The following PCM1 variants were observed in gnomAD, a reference collection of about 807,000 sequenced individuals.
PCM1 encodes pericentriolar material 1, also known as pericentriolar material 1 protein.
In PCM1, 157 loss-of-function variants were observed where a neutral mutation model predicts 241.9. That is an observed-to-expected ratio of 0.65 (90% CI 0.57 to 0.74). The LOEUF (loss-of-function observed/expected upper bound fraction) is 0.74. PCM1 is among the 30% of genes least tolerant of loss of function. The probability of loss-of-function intolerance (pLI) is 0.00; values close to 1 mark genes in which losing one functional copy is unlikely to be tolerated. For missense variants in PCM1, 3,478 were observed against 2,360.1 expected (o/e 1.47, Z -9.81); for synonymous variants, 1,085 against 784.9 (o/e 1.38, Z -6.39).
At chr8:17,932,354 A>C (rs933679710) in intron 2 of PCM1, among the ~76,000 whole-genome samples, 1 of 152,176 alleles carries the variant, frequency 6.6e-6, no homozygotes, top group African/African-American at 2.4e-5. Context: ...CAGTATTGCC[A>C]AAATGCTTTC....
At position 17,935,692 on chromosome 8, in the gene PCM1, A is replaced by C; in HGVS notation, c.82A>C (p.Arg28=). Residue 28 remains arginine (R), a synonymous_variant, in exon 3 of 39, where the codon AGG becomes CGG. Coordinates refer to ENST00000325083, the MANE Select transcript of PCM1 (RefSeq NM_006197.4). ...CTGGAGTAATGAGAATGTTGATGAC[A>C]GGCTCAACAATATGGTATGATTCCT... is the stretch of plus-strand genomic sequence containing the variant. ...PNWSNENVDD[R]LNNMDWGAQQ... The C allele has an allele frequency of 7.0e-7, 1 of 1,428,772 alleles. No homozygotes were observed. The highest frequency in any genetic ancestry group is 1.7e-5 in the Admixed American group (1 of 59,646). 88.5% of individuals were successfully genotyped at this position (1,428,772 alleles called of 1,614,324 possible).
intron 38 of PCM1, among the ~76,000 whole-genome samples, chr8:18,026,240 T>A (rs1343719145): frequency 2.1e-5 from 3 of 140,006 alleles, no homozygotes; most frequent in African/African-American, 2.6e-5. Flanking sequence ...TACAAAAATA[T>A]TATAAATAGC....
chr8:18,010,568 A>AAGTATGTTGCTAAATTCTTTATGTATCT, intron 31 of PCM1, 41 bp from the exon 32 acceptor site: 1 of 1,436,652 alleles, frequency 7.0e-7, no homozygotes, highest in African/African-American at 1.4e-5. Context: ...TTATGTATCT[A>AAGTATGTTGCTAAATTCTTTATGTATCT]AGTATGTTGC....
Position 18,014,823 on chromosome 8 carries a change from G to GTGTT in PCM1, c.5825_5828dup (p.Leu1943PhefsTer5). Reference sequence around the variant, plus strand: ...TGGAAGTCCTGATACTGAATCTCCAGTGTTAGTGAATGACTATGTATGTAT... The same window carrying GTGTT: ...TGGAAGTCCTGATACTGAATCTCCAGTGTTTGTTAGTGAATGACTATGTATGTAT... On this transcript the variant is annotated frameshift_variant, in exon 36 of 39. Transcript: ENST00000325083. LOFTEE classifies it high-confidence loss of function. 1.3e-6 allele frequency: 2 copies of GTGTT among 1,599,518 alleles called. No homozygotes were observed. Among genetic ancestry groups the GTGTT allele is most frequent in the South Asian group, 1.1e-5 (1 of 90,228 alleles).
chr8:17,963,026 A>G, intron 16 of PCM1, 75 bp from the exon 17 acceptor site: 1 of 1,001,874 alleles, frequency 1.0e-6, no homozygotes, highest in South Asian at 1.5e-5. Flanking sequence ...TACTGACAAT[A>G]CTAGTAGTCT....
At chr8:18,019,839 G>A (rs888754456) in intron 36 of PCM1, among the ~76,000 whole-genome samples, 2 of 152,144 alleles carry the variant, frequency 1.3e-5, no homozygotes, top group East Asian at 1.9e-4. Context: ...GATCCCTGCT[G>A]TAGAGTAAAG....
chr8:17,980,481 T>C, intron 23 of PCM1, 110 bp from the exon 24 acceptor site: 1 of 786,928 alleles, frequency 1.3e-6, no homozygotes, highest in Non-Finnish European at 2.0e-6. Context: ...ATACCAGGCC[T>C]TCCTAGCATT....
intron 10 of PCM1, 90 bp downstream of exon 10, chr8:17,955,743 G>T: frequency 1.0e-6 from 1 of 961,356 alleles, no homozygotes; most frequent in Non-Finnish European, 1.6e-6. Context: ...TGCAAAACGA[G>T]ATTTATTTAA....
At position 17,966,479 on chromosome 8, in the gene PCM1, C is replaced by G. The variant is rs762865767; in HGVS notation, c.3221+6C>G. The G allele has an allele frequency of 1.9e-6, 3 of 1,612,772 alleles. No individual in the cohort carries two copies. The East Asian group carries it at 6.7e-5, about 36-fold the overall frequency. ...CAACAGAATAATGTTCAGAGGTAAT[C>G]TGTTTCTTAGAAGTATTGAGACTGT... On this transcript the variant is annotated splice_donor_region_variant and intron_variant, in intron 20 of 38. Transcript: ENST00000325083.
chr8:17,969,709 C>G lies in PCM1; in HGVS notation c.3545C>G (p.Pro1182Arg). 4 of 1,611,526 alleles carry G rather than the reference C, an allele frequency of 2.5e-6. No homozygotes were observed. Among genetic ancestry groups the G allele is most frequent in the Middle Eastern group, 1.7e-4 (1 of 6,054 alleles). Residue 1182 changes from proline to arginine, a missense_variant, in exon 22 of 39, where the codon CCT becomes CGT. Physicochemically the swap from Pro to Arg is moderately radical, Grantham distance 103. Coordinates refer to ENST00000325083, the MANE Select transcript of PCM1 (RefSeq NM_006197.4). ...ACAGAATATATGGCTTTTCCAAAAC[C>G]TTTTGAAAGCAGTTCCTCTATTGGA... ...GKTEYMAFPK[P>R]FESSSSIGAE...
At chr8:18,016,317 A>C (rs1258546766) in intron 36 of PCM1, among the ~76,000 whole-genome samples, 1 of 152,170 alleles carries the variant, frequency 6.6e-6, no homozygotes, top group Non-Finnish European at 1.5e-5. Flanking sequence ...ATTAACACCT[A>C]AAGACTCTGG....
intron 6 of PCM1, chr8:17,940,293 C>G (rs956591394): frequency 3.6e-6 from 2 of 549,360 alleles, no homozygotes; most frequent in Non-Finnish European, 3.2e-6. Context: ...ATTGTTAATG[C>G]TGTATGTGTT....
Position 18,011,826 on chromosome 8 carries a change from A to G in PCM1, c.5510A>G (p.Gln1837Arg). The change falls in exon 34 of 39, where the codon CAG becomes CGG. Residue 1837 changes from glutamine (Q) to arginine (R), a missense_variant and splice_region_variant. Physicochemically the swap from Gln to Arg is conservative, Grantham distance 43. Transcript: ENST00000325083. ...ACTGAAGAAAATGAACATGATGAAC[A>G]GGTATTCCCGTATTGACTGACACAC... ...EATEENEHDE[Q>R]VLQRDFKKTA... 6.2e-7 allele frequency: 1 copy of G among 1,611,836 alleles called. No individual in the cohort carries two copies. Among genetic ancestry groups the G allele is most frequent in the Non-Finnish European group, 8.5e-7 (1 of 1,179,152 alleles).
chr8:17,959,844 G>T (rs1033163631), intron 13 of PCM1, among the ~76,000 whole-genome samples, 170 bp from the exon 14 acceptor site: 1 of 152,090 alleles, frequency 6.6e-6, no homozygotes, highest in Non-Finnish European at 1.5e-5. Flanking sequence ...AAATACAAAC[G>T]TGTGTAAACA....
chr8:17,980,519 C>A, intron 23 of PCM1, 72 bp from the exon 24 acceptor site: 1 of 1,303,678 alleles, frequency 7.7e-7, no homozygotes, highest in Non-Finnish European at 1.1e-6. Context: ...TACTGTTACA[C>A]AATGGAAACC....
At chr8:17,968,306 G>GGTGC (rs1464611050) in intron 21 of PCM1, among the ~76,000 whole-genome samples, 1 of 152,090 alleles carries the variant, frequency 6.6e-6, no homozygotes, top group Non-Finnish European at 1.5e-5. Context: ...TGCAGACGAG[G>GGTGC]GTGCCATTGA....
chr8:17,995,670 A>G (rs2086436454), intron 29 of PCM1, among the ~76,000 whole-genome samples: 1 of 148,148 alleles, frequency 6.8e-6, no homozygotes, highest in Non-Finnish European at 1.5e-5. Context: ...CAGACATTTT[A>G]ACAATATTGA....
At position 18,029,188 on chromosome 8, in the gene PCM1, C is replaced by G. The variant is rs971803116; in HGVS notation, c.*1526C>G. ...AAAAAAAAAAAAAAAAAAAAGTTAA[C>G]TTGCTGTATACCTCAGTGTAATGTC... On this transcript the variant is annotated 3_prime_UTR_variant, in exon 39 of 39. Transcript: ENST00000325083. 2.6e-5 allele frequency: 4 copies of G among 151,432 alleles called. No homozygotes were observed. The highest frequency in any genetic ancestry group is 2.4e-4 in the East Asian group (2 of 8,234). The allele number at this position is 151,432 out of a possible 1,614,324, so 9.4% of individuals were successfully genotyped here.
chr8:18,000,012 G>A (rs1038544269), intron 29 of PCM1, among the ~76,000 whole-genome samples: 1 of 152,148 alleles, frequency 6.6e-6, no homozygotes, highest in Non-Finnish European at 1.5e-5. Context: ...ATAAGTAACT[G>A]TTTATCAGTT....
Sources: allele counts gnomAD v4.1 joint callset (sites outside exome capture counted in the v4.1 genomes callset), GRCh38; gene constraint gnomAD v4.1.1; transcripts MANE v1.5; gene names NCBI Gene and HGNC (gene_info 2026-07-23, HGNC 2026-07-21).